CAB39L: variants seen among roughly 807,000 people sequenced by gnomAD.
The protein encoded by CAB39L is calcium-binding protein 39-like.
CAB39L carries 23 observed loss-of-function variants against 39.1 expected under a neutral mutation model. That is an observed-to-expected ratio of 0.59 (90% CI 0.42 to 0.83). The LOEUF (loss-of-function observed/expected upper bound fraction) is 0.83, where lower values mean the gene tolerates loss of function less well. Ranked by LOEUF, CAB39L falls within the 40% of genes least tolerant of loss-of-function variation. The pLI is 0.00. For missense variants in CAB39L, 366 were observed against 391.9 expected, an observed-to-expected ratio of 0.93 and a Z score of 0.56; for synonymous variants, 126 against 137.2, an observed-to-expected ratio of 0.92 and a Z score of 0.57.
At position 49,310,890 on chromosome 13, in the gene CAB39L, G is replaced by A. The variant is rs145546637; in HGVS notation, c.938C>T (p.Thr313Met). Reference sequence around the variant, plus strand: ...CTCGTCAGCGAACTGCTCATCATCCGTCCTTTCTTTTTGGAAGCTGCTCAG... The same window carrying A: ...CTCGTCAGCGAACTGCTCATCATCCATCCTTTCTTTTTGGAAGCTGCTCAG... ...EFLSSFQKERTDDEQFADEKN... is the reference protein window; with the variant it reads ...EFLSSFQKERMDDEQFADEKN... Residue 313 changes from threonine to methionine, a missense_variant, in exon 11 of 11, where the codon ACG becomes ATG. By Grantham distance (81) the Thr-to-Met change is moderately conservative. Coordinates refer to ENST00000409308, the MANE Select transcript of CAB39L (RefSeq NM_001079670.3). 1.1e-5 allele frequency: 17 copies of A among 1,614,066 alleles called. No individual in the cohort carries two copies. The highest frequency in any genetic ancestry group is 2.2e-5 in the East Asian group (1 of 44,878).
At chr13:49,357,938 C>G (rs57883677) in intron 6 of CAB39L, among the ~76,000 whole-genome samples, 207 of 152,350 alleles carry the variant, frequency 1.4e-3, no homozygotes, top group African/African-American at 4.9e-3. Context: ...CACCAGAATT[C>G]TTGTCATTCT....
At chr13:49,435,493 C>T (rs562763911) in intron 1 of CAB39L, among the ~76,000 whole-genome samples, 5 of 152,246 alleles carry the variant, frequency 3.3e-5, no homozygotes, top group African/African-American at 1.2e-4. Context: ...CTTTGTATGA[C>T]TGAAGGTGGA....
At chr13:49,396,868 T>C (rs1041094391) in intron 3 of CAB39L, among the ~76,000 whole-genome samples, 1 of 152,134 alleles carries the variant, frequency 6.6e-6, no homozygotes, top group Non-Finnish European at 1.5e-5. Context: ...GGAGGTTACA[T>C]GAGTACATAC....
intron 3 of CAB39L, among the ~76,000 whole-genome samples, chr13:49,395,139 G>A (rs2138633813): frequency 6.6e-6 from 1 of 151,812 alleles, no homozygotes; most frequent in Middle Eastern, 3.4e-3. Flanking sequence ...TTTTATAGTA[G>A]AAATGTCTCT....
At chr13:49,368,304 G>T (rs1031242689) in intron 5 of CAB39L, among the ~76,000 whole-genome samples, 1 of 152,218 alleles carries the variant, frequency 6.6e-6, no homozygotes, top group African/African-American at 2.4e-5. Context: ...ACAAAAGCAG[G>T]TTCTGCTACC....
At chr13:49,368,291 A>G (rs1295814199) in intron 5 of CAB39L, among the ~76,000 whole-genome samples, 1 of 152,226 alleles carries the variant, frequency 6.6e-6, no homozygotes, top group Non-Finnish European at 1.5e-5. Flanking sequence ...CCCCCTGTGG[A>G]TAACAAAAGC....
rs141224061 is a variant in CAB39L at position 49,435,945 on chromosome 13, A to T, written c.-245-1722T>A. 5.9e-5 allele frequency among the ~76,000 whole-genome samples: 9 copies of T among 152,260 alleles called. No individual in the cohort carries two copies. In the East Asian group the frequency reaches 1.7e-3, roughly 29 times the overall value. On this transcript the variant is annotated intron_variant, in intron 1 of 10. Coordinates refer to ENST00000409308, the MANE Select transcript of CAB39L (RefSeq NM_001079670.3). ...TTAGCTCTTTGTGATATAAGTCCAAATATTTTTCCCCGCTTTGTCGCTTGC... is the reference window on the plus strand; with the variant it reads ...TTAGCTCTTTGTGATATAAGTCCAATTATTTTTCCCCGCTTTGTCGCTTGC...
chr13:49,363,123 A>T (rs1366810643), intron 5 of CAB39L, among the ~76,000 whole-genome samples: 2 of 152,216 alleles, frequency 1.3e-5, no homozygotes, highest in Admixed American at 6.5e-5. Flanking sequence ...AAAGAAAAGG[A>T]TGTTAATGAG....
intron 4 of CAB39L, among the ~76,000 whole-genome samples, chr13:49,378,155 G>A (rs1347050437): frequency 2.6e-5 from 2 of 77,570 alleles, no homozygotes; most frequent in East Asian, 2.4e-4. Flanking sequence ...CCCTCCGCCC[G>A]GCAGCCGCCC....
intron 10 of CAB39L, among the ~76,000 whole-genome samples, chr13:49,321,319 T>C (rs1954332477): frequency 6.6e-6 from 1 of 152,262 alleles, no homozygotes; most frequent in South Asian, 2.1e-4. Flanking sequence ...ATATGTTTTT[T>C]AATGCTTGTA....
At chr13:49,316,057 T>G (rs1191167263) in intron 10 of CAB39L, among the ~76,000 whole-genome samples, 3 of 151,772 alleles carry the variant, frequency 2.0e-5, no homozygotes, top group Admixed American at 6.6e-5. Context: ...AATGACAGAA[T>G]CAATGAACCC....
chr13:49,374,771 A>G (rs2138557260), intron 5 of CAB39L, among the ~76,000 whole-genome samples: 1 of 152,348 alleles, frequency 6.6e-6, no homozygotes, highest in Non-Finnish European at 1.5e-5. Context: ...ACTGAACCTG[A>G]CGACATCTCA....
At chr13:49,435,106 C>T (rs1246055930) in intron 1 of CAB39L, among the ~76,000 whole-genome samples, 1 of 152,186 alleles carries the variant, frequency 6.6e-6, no homozygotes, top group Non-Finnish European at 1.5e-5. Flanking sequence ...TTTTCCACTT[C>T]CTATTGTATT....
chr13:49,426,485 G>A (rs1957246536), intron 3 of CAB39L, among the ~76,000 whole-genome samples: 2 of 151,994 alleles, frequency 1.3e-5, no homozygotes, highest in Admixed American at 1.3e-4. Flanking sequence ...GGAGTGCAGT[G>A]GCATGATCTC....
rs149931909 is a variant in CAB39L, at chr13:49,437,107, C to T, written c.-245-2884G>A. Among the ~76,000 whole-genome samples the T allele has an allele frequency of 2.0e-3, 299 of 152,242 alleles. 3 individuals carry two copies. Among genetic ancestry groups the T allele is most frequent in the African/African-American group, 6.8e-3 (283 of 41,558 alleles). On this transcript the variant is annotated intron_variant, in intron 1 of 10. Transcript: ENST00000409308. ...TTTTGACTATCATTTTGTTTTCCAG[C>T]TAAAGTAACTTTATATGGATGTTGC...
At chr13:49,423,230 C>A (rs1044040038) in intron 3 of CAB39L, among the ~76,000 whole-genome samples, 11 of 152,176 alleles carry the variant, frequency 7.2e-5, no homozygotes, top group Non-Finnish European at 1.6e-4. Context: ...AAATCTAGGG[C>A]AGGTGAGAAT....
intron 3 of CAB39L, among the ~76,000 whole-genome samples, chr13:49,424,480 C>A (rs1026243719): frequency 2.0e-5 from 3 of 152,112 alleles, no homozygotes; most frequent in African/African-American, 4.8e-5. Flanking sequence ...ATGATGACTA[C>A]ATGTAACGTG....
At chr13:49,439,738 C>G (rs1957473915) in intron 1 of CAB39L, among the ~76,000 whole-genome samples, 1 of 152,076 alleles carries the variant, frequency 6.6e-6, no homozygotes, top group Non-Finnish European at 1.5e-5. Context: ...CAGCCTTGCC[C>G]ACATCTGTTG....
At chr13:49,323,056 A>G (rs912443626) in intron 10 of CAB39L, among the ~76,000 whole-genome samples, 8 of 152,186 alleles carry the variant, frequency 5.3e-5, no homozygotes, top group African/African-American at 1.7e-4. Context: ...AAATAGCTCA[A>G]TCATTTCTGT....
Sources: gnomAD v4.1 joint callset for allele counts (sites outside exome capture counted in the v4.1 genomes callset) on GRCh38, gnomAD v4.1.1 for gene constraint, MANE v1.5 for transcripts, NCBI Gene and HGNC (gene_info 2026-07-23, HGNC 2026-07-21) for gene names.